Variants in NRXN3 observed in about 807,000 individuals in gnomAD.
NRXN3 encodes the protein neurexin III.
Under a neutral mutation model 137.6 loss-of-function variants are expected in NRXN3, and 32 were observed. That is an observed-to-expected ratio of 0.23 (90% CI 0.18 to 0.31). The LOEUF is 0.31. Ranked by LOEUF, NRXN3 falls within the 10% of genes least tolerant of loss-of-function variation. NRXN3 has a pLI of 1.00. For synonymous variants in NRXN3, 798 were observed against 784.5 expected (o/e 1.02, Z -0.29); for missense variants, 1,574 against 2,062.5 (o/e 0.76, Z 4.59).
chr14:79,432,375 G>A, intron 15 of NRXN3, among the ~76,000 whole-genome samples: 1 of 152,132 alleles, frequency 6.6e-6, no homozygotes, highest in Non-Finnish European at 1.5e-5. Context: ...AGCTTCAGGA[G>A]AAACCAGTTG....
intron 4 of NRXN3, among the ~76,000 whole-genome samples, chr14:78,437,077 C>A (rs1782210013): frequency 6.6e-6 from 1 of 152,260 alleles, no homozygotes; most frequent in Admixed American, 6.5e-5. Flanking sequence ...TAATAGCATC[C>A]CCTTCATGTG....
At chr14:79,325,664 A>G (rs1194662212) in intron 15 of NRXN3, among the ~76,000 whole-genome samples, 1 of 152,206 alleles carries the variant, frequency 6.6e-6, no homozygotes, top group Admixed American at 6.5e-5. Flanking sequence ...TTGCATGCAC[A>G]TGCTTTTTCA....
At chr14:78,191,242 C>T (rs1001059683) in intron 1 of NRXN3, among the ~76,000 whole-genome samples, 3 of 152,168 alleles carry the variant, frequency 2.0e-5, no homozygotes, top group Non-Finnish European at 4.4e-5. Flanking sequence ...AAGCTTTACA[C>T]ATGGTAGTTA....
At position 79,287,480 on chromosome 14, in the gene NRXN3, T is replaced by C. The variant is rs552615952; in HGVS notation, c.3263-179741T>C. Among the ~76,000 whole-genome samples the C allele has an allele frequency of 2.0e-5, 3 of 152,322 alleles. No individual in the cohort carries two copies. The East Asian group carries it at 5.8e-4, about 29-fold the overall frequency. On this transcript the variant is annotated intron_variant, in intron 15 of 20. Coordinates refer to ENST00000335750, the MANE Select transcript of NRXN3 (RefSeq NM_001330195.2). ...TCAAACATTCCTACATGGTTCTCAG[T>C]GTCCATTGTAAACTAAGATTTTTAA...
intron 15 of NRXN3, among the ~76,000 whole-genome samples, chr14:79,019,601 C>G (rs1182285327): frequency 6.6e-6 from 1 of 152,046 alleles, no homozygotes; most frequent in Non-Finnish European, 1.5e-5. Flanking sequence ...CGGGTGGAAG[C>G]AATGCACTTG....
intron 4 of NRXN3, among the ~76,000 whole-genome samples, chr14:78,349,029 C>T (rs896451451): frequency 1.3e-5 from 2 of 152,178 alleles, no homozygotes; most frequent in Non-Finnish European, 2.9e-5. Flanking sequence ...TGTTAGTGAT[C>T]AGTTTTGAAG....
intron 10 of NRXN3, among the ~76,000 whole-genome samples, chr14:78,946,925 A>G (rs916122151): frequency 7.2e-5 from 11 of 152,162 alleles, no homozygotes. Context: ...TATTTTCTCT[A>G]TGTGCATGTC....
intron 4 of NRXN3, among the ~76,000 whole-genome samples, chr14:78,541,950 C>CTGCAGAACAGCAAATAT (rs1184933591): frequency 8.5e-5 from 13 of 152,248 alleles, no homozygotes; most frequent in Admixed American, 2.0e-4. Context: ...CCAGCAGAGG[C>CTGCAGAACAGCAAATAT]TGCAGAACAG....
chr14:78,571,359 G>A (rs1049714422), intron 4 of NRXN3, among the ~76,000 whole-genome samples: 2 of 152,122 alleles, frequency 1.3e-5, no homozygotes, highest in African/African-American at 4.8e-5. Flanking sequence ...TCTAATGACT[G>A]GAAGCCTGAG....
At chr14:79,421,315 G>A (rs1264416371) in intron 15 of NRXN3, among the ~76,000 whole-genome samples, 2 of 152,144 alleles carry the variant, frequency 1.3e-5, no homozygotes, top group African/African-American at 2.4e-5. Context: ...TTGTGCTATT[G>A]ATAAAATTTA....
At chr14:79,258,229 G>T (rs1241559938) in intron 15 of NRXN3, among the ~76,000 whole-genome samples, 1 of 152,050 alleles carries the variant, frequency 6.6e-6, no homozygotes, top group Non-Finnish European at 1.5e-5. Context: ...ACAGAGTCTT[G>T]CTCTGTCACC....
chr14:79,807,570 C>T (rs1173749645), intron 20 of NRXN3, among the ~76,000 whole-genome samples: 1 of 152,112 alleles, frequency 6.6e-6, no homozygotes, highest in Non-Finnish European at 1.5e-5. Flanking sequence ...CAGGTATTTT[C>T]TCTGATTCAG....
At chr14:78,695,983 G>A (rs1423912089) in intron 6 of NRXN3, among the ~76,000 whole-genome samples, 1 of 151,970 alleles carries the variant, frequency 6.6e-6, no homozygotes, top group Non-Finnish European at 1.5e-5. Context: ...AATCTAAGGG[G>A]GATATGGACC....
chr14:78,931,379 T>A (rs1175448845), intron 10 of NRXN3, among the ~76,000 whole-genome samples: 1 of 152,054 alleles, frequency 6.6e-6, no homozygotes, highest in Non-Finnish European at 1.5e-5. Flanking sequence ...TCCTTAATGA[T>A]GAATTAAGAG....
intron 16 of NRXN3, among the ~76,000 whole-genome samples, chr14:79,606,683 G>A (rs555004452): frequency 6.6e-6 from 1 of 152,270 alleles, no homozygotes; most frequent in South Asian, 2.1e-4. Context: ...GTTGTGCACA[G>A]GTACTTATTG....
intron 15 of NRXN3, among the ~76,000 whole-genome samples, chr14:79,163,198 C>G (rs1168389523): frequency 1.3e-5 from 2 of 151,918 alleles, no homozygotes; most frequent in Non-Finnish European, 2.9e-5. Context: ...GCCATTGGAG[C>G]AATTATAGTC....
At chr14:79,697,547 T>A in intron 18 of NRXN3, 83 bp from the exon 19 acceptor site, 1 of 1,439,286 alleles carries the variant, frequency 6.9e-7, no homozygotes, top group Non-Finnish European at 9.4e-7. Context: ...AAGCCTGTTA[T>A]GATGCCTGGT....
At position 79,822,832 on chromosome 14, in the gene NRXN3, C is replaced by A. The variant is rs544012153; in HGVS notation, c.4093+17642C>A. On this transcript the variant is annotated intron_variant, in intron 20 of 20. Transcript: ENST00000335750. The stretch of plus-strand genomic sequence containing the variant: ...CCAAACAAACAAACAAACAAACAAA[C>A]AAAAAAACCAAAAAAGCCACCCTAG... Among the ~76,000 whole-genome samples, 26 of 146,642 alleles carry A rather than the reference C, an allele frequency of 1.8e-4. No homozygotes were observed. In the East Asian group the frequency reaches 3.5e-3, roughly 20 times the overall value.
intron 10 of NRXN3, among the ~76,000 whole-genome samples, chr14:78,944,383 T>C (rs2099361245): frequency 1.3e-5 from 2 of 152,204 alleles, no homozygotes; most frequent in African/African-American, 4.8e-5. Flanking sequence ...TTTATTGTTC[T>C]CAGAAAGGTG....
Sources: gnomAD v4.1 joint callset for allele counts (sites outside exome capture counted in the v4.1 genomes callset) on GRCh38, gnomAD v4.1.1 for gene constraint, MANE v1.5 for transcripts, NCBI Gene and HGNC (gene_info 2026-07-23, HGNC 2026-07-21) for gene names.